The following MCTP1 variants were observed in gnomAD, a reference collection of about 807,000 sequenced individuals.
MCTP1 encodes multiple C2 and transmembrane domain-containing protein 1.
A neutral mutation model predicts 120.6 loss-of-function variants in MCTP1; 69 were observed. The observed-to-expected ratio is 0.57, with a 90% CI of 0.47 to 0.70. The LOEUF is 0.70. MCTP1 is among the 30% of genes least tolerant of loss of function. MCTP1 has a pLI of 0.00. For synonymous variants in MCTP1, 529 were observed against 493.1 expected, an observed-to-expected ratio of 1.07 and a Z score of -0.96; for missense variants, 1,203 against 1,248.8, an observed-to-expected ratio of 0.96 and a Z score of 0.55.
intron 1 of MCTP1, among the ~76,000 whole-genome samples, chr5:95,196,301 C>T (rs1197466548): frequency 6.6e-6 from 1 of 152,172 alleles, no homozygotes; most frequent in African/African-American, 2.4e-5. Flanking sequence ...CTATACTAAG[C>T]ATGCAGATAT....
chr5:95,211,692 G>A (rs180942935), intron 1 of MCTP1, among the ~76,000 whole-genome samples: 106 of 152,236 alleles, frequency 7.0e-4, no homozygotes, highest in African/African-American at 2.0e-3. Flanking sequence ...GTCATTCTCC[G>A]TCCAGCTTTG....
rs145653673 is a variant in MCTP1 at position 95,173,543 on chromosome 5, G to A, written c.720+110313C>T. ...TTAAACTGCTTACCTTGGTAGGCAA[G>A]GCATGCTACATTCTGATCCTAACAA... On this transcript the variant is annotated intron_variant, in intron 1 of 22. Coordinates refer to ENST00000515393, the MANE Select transcript of MCTP1 (RefSeq NM_024717.7). Among the ~76,000 whole-genome samples, 467 of 152,278 alleles carry A rather than the reference G, an allele frequency of 3.1e-3. 1 individual carries two copies. The highest frequency in any genetic ancestry group is 0.011 in the African/African-American group (445 of 41,562).
intron 1 of MCTP1, among the ~76,000 whole-genome samples, chr5:95,268,394 AT>A (rs1391175336): frequency 6.6e-6 from 1 of 152,224 alleles, no homozygotes; most frequent in Non-Finnish European, 1.5e-5. Flanking sequence ...TTAACTGAAT[AT>A]TCTCCCCATT....
chr5:95,117,948 A>G (rs1341376492), intron 1 of MCTP1, among the ~76,000 whole-genome samples: 2 of 152,178 alleles, frequency 1.3e-5, no homozygotes, highest in Non-Finnish European at 2.9e-5. Flanking sequence ...TCACCTATAA[A>G]TGGGAGCTGA....
At position 95,284,668 on chromosome 5, in the gene MCTP1, G is replaced by T; in HGVS notation, c.-93C>A. ...GCTGCACCTCCTCCCGGGTCCCCGC[G>T]GCGCTGGCGGTGGCGGCGGCGGCGG... On this transcript the variant is annotated 5_prime_UTR_variant, in exon 1 of 23. Transcript: ENST00000515393. This position sits in a 1 kb window ranked among gnomAD's most constrained non-coding sequence, Gnocchi z 5.2. 8.8e-7 allele frequency: 1 copy of T among 1,134,978 alleles called. No homozygotes were observed. Among genetic ancestry groups the T allele is most frequent in the Non-Finnish European group, 1.2e-6 (1 of 859,666 alleles). 70.3% of individuals were successfully genotyped at this position (1,134,978 alleles called of 1,614,324 possible). A position where few individuals can be genotyped will look rare whatever the true frequency, so the allele number is the denominator to read the frequency against.
intron 2 of MCTP1, among the ~76,000 whole-genome samples, chr5:94,982,884 C>CAAAAAAAAAAAAAAAAAA (rs34561115): frequency 0.017 from 499 of 28,616 alleles, 102 homozygotes; most frequent in Non-Finnish European, 0.031. Flanking sequence ...CACACTTCAT[C>CAAAAAAAAAAAAAAAAAA]AAAAAAAAAA....
At chr5:94,876,773 T>C (rs1373323294) in intron 12 of MCTP1, among the ~76,000 whole-genome samples, 3 of 152,020 alleles carry the variant, frequency 2.0e-5, no homozygotes, top group African/African-American at 4.8e-5. Flanking sequence ...ATTGATTGCT[T>C]TAACCACCAT....
chr5:95,274,626 C>CTTTTTTT (rs112973746), intron 1 of MCTP1, among the ~76,000 whole-genome samples: 1 of 149,554 alleles, frequency 6.7e-6, no homozygotes, highest in East Asian at 2.0e-4. Context: ...TTACTGCTTT[C>CTTTTTTT]TTTTTTTCTT....
At chr5:94,730,924 ACACACACACAC>A (rs1762996461) in intron 19 of MCTP1, among the ~76,000 whole-genome samples, 1 of 7,902 alleles carries the variant, frequency 1.3e-4, no homozygotes, top group African/African-American at 5.8e-4. Context: ...AACACACTCC[ACACACACACAC>A]TCCACACACA....
intron 19 of MCTP1, among the ~76,000 whole-genome samples, chr5:94,716,079 A>T (rs1318773602): frequency 6.6e-6 from 1 of 152,234 alleles, no homozygotes; most frequent in Non-Finnish European, 1.5e-5. Context: ...TGAATGACAG[A>T]TGTGTGTGCC....
At chr5:94,784,804 A>T (rs1777302153) in intron 18 of MCTP1, 2 of 147,862 alleles carry the variant, frequency 1.4e-5, no homozygotes, top group Admixed American at 1.4e-4. Flanking sequence ...AAGGCAGAAT[A>T]AAAAAAAAAG....
chr5:94,876,814 A>T (rs1561790497), intron 12 of MCTP1, among the ~76,000 whole-genome samples: 1 of 152,014 alleles, frequency 6.6e-6, no homozygotes, highest in Non-Finnish European at 1.5e-5. Flanking sequence ...GCGTTCCTTG[A>T]GGACACGGCA....
At chr5:94,964,677 T>G (rs1469139367) in intron 2 of MCTP1, among the ~76,000 whole-genome samples, 1 of 152,180 alleles carries the variant, frequency 6.6e-6, no homozygotes, top group East Asian at 1.9e-4. Context: ...TCTTTTGGTT[T>G]CCATTTAAAT....
chr5:95,089,273 G>A (rs1755673021), intron 1 of MCTP1, among the ~76,000 whole-genome samples: 1 of 151,928 alleles, frequency 6.6e-6, no homozygotes, highest in Admixed American at 6.6e-5. Flanking sequence ...ATAAATCCTA[G>A]GAGGTAAACA....
chr5:95,169,590 T>C (rs1162078045), intron 1 of MCTP1, among the ~76,000 whole-genome samples: 1 of 152,230 alleles, frequency 6.6e-6, no homozygotes, highest in East Asian at 1.9e-4. Context: ...TATTGGTCTA[T>C]TCAGGAATTC....
chr5:94,782,769 A>C (rs1442212162), intron 18 of MCTP1, among the ~76,000 whole-genome samples: 1 of 152,138 alleles, frequency 6.6e-6, no homozygotes, highest in Non-Finnish European at 1.5e-5. Context: ...TTGCCCAAAC[A>C]CTTGTGGGCA....
intron 1 of MCTP1, among the ~76,000 whole-genome samples, chr5:95,087,726 G>C (rs73140046): frequency 0.081 from 12,373 of 152,210 alleles, 1,709 homozygotes; most frequent in African/African-American, 0.29. Context: ...CTGGGGTAGG[G>C]TGCTAGAGGC....
At chr5:95,024,003 C>T (rs1838709565) in intron 1 of MCTP1, 1 of 402,758 alleles carries the variant, frequency 2.5e-6, no homozygotes, top group Admixed American at 2.9e-5. Flanking sequence ...GACACTAGTT[C>T]CTTGTTGGAT....
chr5:94,892,396 G>A (rs909578748), intron 11 of MCTP1, among the ~76,000 whole-genome samples: 5 of 152,166 alleles, frequency 3.3e-5, no homozygotes, highest in African/African-American at 4.8e-5. Context: ...TTTAAACTGT[G>A]ACAAGGGGGA....
Sources: allele counts gnomAD v4.1 joint callset (sites outside exome capture counted in the v4.1 genomes callset), GRCh38; gene constraint gnomAD v4.1.1; non-coding constraint Gnocchi (gnomAD v3.1); transcripts MANE v1.5; gene names NCBI Gene and HGNC (gene_info 2026-07-23, HGNC 2026-07-21).